Variants in ABI2 observed in about 807,000 individuals in gnomAD.
The protein encoded by ABI2 is abelson interactor 2.
A neutral mutation model predicts 59.2 loss-of-function variants in ABI2; 25 were observed. The observed-to-expected ratio is 0.42, with a 90% CI of 0.31 to 0.59. The LOEUF (loss-of-function observed/expected upper bound fraction) is 0.59, where lower values mean the gene tolerates loss of function less well. ABI2 is among the 20% of genes least tolerant of loss of function. ABI2 has a pLI of 0.14. For missense variants in ABI2, 545 were observed against 681.8 expected, an observed-to-expected ratio of 0.80 and a Z score of 2.23; for synonymous variants, 213 against 235.5, an observed-to-expected ratio of 0.90 and a Z score of 0.87.
chr2:203,426,040 C>A (rs116769978), intron 11 of ABI2, among the ~76,000 whole-genome samples: 5,567 of 149,540 alleles, frequency 0.037, 343 homozygotes, highest in African/African-American at 0.13. Flanking sequence ...AAAAAAAATT[C>A]TGGTGTTCCT....
intron 1 of ABI2, among the ~76,000 whole-genome samples, chr2:203,350,760 G>A (rs781703189): frequency 1.5e-4 from 23 of 151,664 alleles, no homozygotes; most frequent in Non-Finnish European, 2.2e-4. Context: ...GGCTGGTCTC[G>A]AACTCCTGAC....
At chr2:203,399,909 C>T (rs1017235478) in intron 8 of ABI2, among the ~76,000 whole-genome samples, 7 of 151,914 alleles carry the variant, frequency 4.6e-5, no homozygotes, top group Non-Finnish European at 1.0e-4. Flanking sequence ...ATGAATCGTG[C>T]TTTGATGGCA....
intron 11 of ABI2, among the ~76,000 whole-genome samples, chr2:203,426,547 A>T (rs1336548001): frequency 6.6e-6 from 1 of 152,170 alleles, no homozygotes; most frequent in Middle Eastern, 3.2e-3. Flanking sequence ...TATTATAGTT[A>T]TATTAAATTG....
rs181548087 is a variant in ABI2, at chr2:203,373,498, G to A, written c.285+6454G>A. 8.1e-3 allele frequency among the ~76,000 whole-genome samples: 1,141 copies of A among 140,970 alleles called. 38 individuals are homozygous for A. Among genetic ancestry groups the A allele is most frequent in the Admixed American group, 0.057 (837 of 14,752 alleles). 92.5% of individuals were successfully genotyped at this position (140,970 alleles called of 152,430 possible). ...CCATGGGCCGTGGGGAGAGGGAGAG[G>A]GAGAGGGAGCGGGAGAGGGAGAGGG... On this transcript the variant is annotated intron_variant, in intron 2 of 11. Coordinates refer to ENST00000261018, the MANE Select transcript of ABI2 (RefSeq NM_001375670.1).
At chr2:203,388,340 TAC>T (rs2096612076) in intron 4 of ABI2, among the ~76,000 whole-genome samples, 1 of 152,190 alleles carries the variant, frequency 6.6e-6, no homozygotes, top group Non-Finnish European at 1.5e-5. Context: ...CAAACAAATA[TAC>T]AGTCATTTGA....
At chr2:203,413,040 T>G (rs2097745612) in intron 10 of ABI2, among the ~76,000 whole-genome samples, 1 of 152,212 alleles carries the variant, frequency 6.6e-6, no homozygotes, top group African/African-American at 2.4e-5. Flanking sequence ...AATAATACCC[T>G]GGGAGTTTTT....
At chr2:203,378,270 G>A (rs1364583430) in intron 2 of ABI2, among the ~76,000 whole-genome samples, 2 of 151,920 alleles carry the variant, frequency 1.3e-5, no homozygotes, top group Non-Finnish European at 2.9e-5. Context: ...CCGCCACCAT[G>A]CCCGGCTAAT....
At chr2:203,381,295 G>C (rs2153220033) in intron 3 of ABI2, among the ~76,000 whole-genome samples, 1 of 152,186 alleles carries the variant, frequency 6.6e-6, no homozygotes, top group East Asian at 1.9e-4. Context: ...TAACTTTTTT[G>C]AGACAGGGTC....
At chr2:203,386,718 A>G (rs1578503881) in intron 4 of ABI2, among the ~76,000 whole-genome samples, 1 of 148,386 alleles carries the variant, frequency 6.7e-6, no homozygotes, top group African/African-American at 2.5e-5. Flanking sequence ...GCTCACTGCA[A>G]CCCCCGCCTC....
In ABI2 at chr2:203,328,501, A is replaced by C. The variant is rs774017421; in HGVS notation, c.-14A>C. On this transcript the variant is annotated 5_prime_UTR_variant, in exon 1 of 12. Coordinates refer to ENST00000261018, the MANE Select transcript of ABI2 (RefSeq NM_001375670.1). The stretch of plus-strand genomic sequence containing the variant: ...TGCGACCTGTATGAGGAGGAGGAGG[A>C]GGAGGATGTGAAGATGGCGGAGCTG... 6.3e-7 allele frequency: 1 copy of C among 1,592,636 alleles called. No homozygotes were observed. Among genetic ancestry groups the C allele is most frequent in the Admixed American group, 1.7e-5 (1 of 57,994 alleles).
intron 2 of ABI2, chr2:203,374,743 A>G: frequency 2.4e-6 from 1 of 422,804 alleles, no homozygotes; most frequent in Non-Finnish European, 5.0e-6. Context: ...ACATTAGCTT[A>G]CTAATAAAAA....
intron 11 of ABI2, among the ~76,000 whole-genome samples, chr2:203,424,358 A>G (rs1028432268): frequency 2.0e-5 from 3 of 152,202 alleles, no homozygotes; most frequent in Admixed American, 6.5e-5. Context: ...AGTGAAGTAA[A>G]CTACTGGTGT....
At chr2:203,333,248 G>T (rs776081441) in intron 1 of ABI2, among the ~76,000 whole-genome samples, 1 of 152,140 alleles carries the variant, frequency 6.6e-6, no homozygotes, top group Admixed American at 6.6e-5. Context: ...AAAATTGCCC[G>T]ATCATCTTGA....
intron 1 of ABI2, among the ~76,000 whole-genome samples, chr2:203,362,756 A>G (rs1197760150): frequency 6.6e-6 from 1 of 151,412 alleles, no homozygotes; most frequent in Non-Finnish European, 1.5e-5. Context: ...TGAACTCCTG[A>G]CCTCAGGTGA....
chr2:203,363,752 A>T (rs879557383), intron 1 of ABI2, among the ~76,000 whole-genome samples: 2 of 151,904 alleles, frequency 1.3e-5, no homozygotes, highest in African/African-American at 4.8e-5. Context: ...GGGCATATGT[A>T]CCATATTTTC....
chr2:203,350,785 G>C (rs543832281), intron 1 of ABI2, among the ~76,000 whole-genome samples: 2 of 151,594 alleles, frequency 1.3e-5, no homozygotes, highest in African/African-American at 4.8e-5. Context: ...TGATCCACCC[G>C]CCTCGGCCTC....
chr2:203,394,549 CATT>C, intron 5 of ABI2, 148 bp from the exon 6 acceptor site: 1 of 685,296 alleles, frequency 1.5e-6, no homozygotes, highest in Non-Finnish European at 2.4e-6. Flanking sequence ...AGAAGTGATA[CATT>C]AGTAAAGACT....
intron 1 of ABI2, among the ~76,000 whole-genome samples, chr2:203,338,960 ATAAAT>A (rs1559154311): frequency 8.4e-4 from 5 of 5,936 alleles, no homozygotes; most frequent in Admixed American, 2.6e-3. Flanking sequence ...ATATATATAT[ATAAAT>A]ATATATATAT....
intron 2 of ABI2, among the ~76,000 whole-genome samples, chr2:203,371,175 T>C (rs1358422219): frequency 1.3e-5 from 2 of 152,254 alleles, no homozygotes; most frequent in Non-Finnish European, 2.9e-5. Flanking sequence ...TTTTATTTGC[T>C]TCCATTCTGT....
Sources: gnomAD v4.1 joint callset for allele counts (sites outside exome capture counted in the v4.1 genomes callset) on GRCh38, gnomAD v4.1.1 for gene constraint, MANE v1.5 for transcripts, NCBI Gene and HGNC (gene_info 2026-07-23, HGNC 2026-07-21) for gene names.